Variants in PCDH11X observed in about 807,000 individuals in gnomAD.
PCDH11X encodes the protein protocadherin-11 X-linked.
A neutral mutation model predicts 53.3 loss-of-function variants in PCDH11X; 18 were observed. That is an observed-to-expected ratio of 0.34 (90% confidence interval 0.23 to 0.50). The LOEUF is 0.50. PCDH11X is among the 20% of genes least tolerant of loss of function. PCDH11X has a pLI of 0.98. For synonymous variants in PCDH11X, 279 were observed against 393.3 expected (o/e 0.71, Z 3.44); for missense variants, 570 against 1,032.4 (o/e 0.55, Z 6.14).
At chrX:92,346,064 A>C (rs1412758167) in intron 8 of PCDH11X, among the ~76,000 whole-genome samples, 1 of 110,831 alleles carries the variant, frequency 9.0e-6, no homozygotes, top group Non-Finnish European at 1.9e-5. Context: ...TTCTTTACTT[A>C]AGTGAAGCAG....
intron 10 of PCDH11X, among the ~76,000 whole-genome samples, chrX:92,527,497 A>AT (rs1194831843): frequency 2.7e-5 from 3 of 111,004 alleles, no homozygotes; most frequent in African/African-American, 9.8e-5. Context: ...TAGTGAACAC[A>AT]TTTTTTCTTG....
At chrX:91,993,590 C>T (rs949193821) in intron 6 of PCDH11X, among the ~76,000 whole-genome samples, 60 of 111,037 alleles carry the variant, frequency 5.4e-4, no homozygotes, top group African/African-American at 1.9e-3. Flanking sequence ...AGACTCTTGG[C>T]TTTTTTCTCC....
At chrX:92,379,676 G>A (rs905668759) in intron 8 of PCDH11X, among the ~76,000 whole-genome samples, 3 of 108,933 alleles carry the variant, frequency 2.8e-5, no homozygotes, top group Admixed American at 9.7e-5. Context: ...GTGAGAATGC[G>A]TGCTTTTTCT....
intron 8 of PCDH11X, among the ~76,000 whole-genome samples, chrX:92,386,186 CTACT>C (rs1196622746): frequency 9.1e-6 from 1 of 110,486 alleles, no homozygotes; most frequent in Non-Finnish European, 1.9e-5. Context: ...TTCAAGTGAG[CTACT>C]TAAATATTTT....
intron 9 of PCDH11X, among the ~76,000 whole-genome samples, chrX:92,424,662 A>G: frequency 1.0e-5 from 1 of 97,511 alleles, no homozygotes; most frequent in Non-Finnish European, 2.3e-5. Flanking sequence ...CGAGCTTTGC[A>G]AAGGGAGCTT....
chrX:92,257,288 C>G lies in PCDH11X; in HGVS notation c.3115-5826C>G, dbSNP rs969179957. On this transcript the variant is annotated intron_variant, in intron 7 of 10. Transcript: ENST00000682573. ...ATGATCCAGTCATCTCCCATCAGCCCCCACATCCAACATTGGGGATTACAT... is the reference window on the plus strand; with the variant it reads ...ATGATCCAGTCATCTCCCATCAGCCGCCACATCCAACATTGGGGATTACAT... Among the ~76,000 whole-genome samples the G allele has an allele frequency of 7.2e-5, 8 of 111,305 alleles. No individual in the cohort carries two copies. In the East Asian group the frequency reaches 1.4e-3, roughly 20 times the overall value.
intron 6 of PCDH11X, among the ~76,000 whole-genome samples, chrX:91,973,459 A>G (rs2147912990): frequency 9.2e-6 from 1 of 108,799 alleles, no homozygotes; most frequent in South Asian, 4.0e-4. Context: ...AATTAAAAAA[A>G]AAAAAAAGAA....
intron 10 of PCDH11X, among the ~76,000 whole-genome samples, chrX:92,497,965 G>T (rs948923199): frequency 9.8e-5 from 11 of 111,842 alleles, no homozygotes; most frequent in African/African-American, 3.6e-4. Context: ...TCTGCCTGAT[G>T]ACAAAATGCC....
intron 8 of PCDH11X, among the ~76,000 whole-genome samples, chrX:92,267,869 G>T (rs2067867330): frequency 8.9e-6 from 1 of 112,124 alleles, no homozygotes; most frequent in South Asian, 3.7e-4. Flanking sequence ...CACATGGTGT[G>T]AAGGCAAGAG....
At chrX:92,123,183 A>G (rs2064803201) in intron 6 of PCDH11X, among the ~76,000 whole-genome samples, 2 of 111,023 alleles carry the variant, frequency 1.8e-5, no homozygotes, top group Non-Finnish European at 3.8e-5. Flanking sequence ...ATGCCAACCA[A>G]TTTTCTCTAC....
At chrX:92,408,824 C>T (rs1049516063) in intron 9 of PCDH11X, among the ~76,000 whole-genome samples, 6 of 108,506 alleles carry the variant, frequency 5.5e-5, no homozygotes, top group African/African-American at 2.0e-4. Context: ...CCTTGTGATC[C>T]GCCCGCCTCG....
At chrX:91,850,462 A>G (rs1295912364) in intron 5 of PCDH11X, among the ~76,000 whole-genome samples, 1 of 111,784 alleles carries the variant, frequency 8.9e-6, no homozygotes, top group Admixed American at 9.5e-5. Flanking sequence ...CCCAGAAGGA[A>G]AGTATAAATA....
chrX:92,617,972 G>A (rs765615172), intron 10 of PCDH11X, among the ~76,000 whole-genome samples: 6 of 111,030 alleles, frequency 5.4e-5, no homozygotes, highest in African/African-American at 2.0e-4. Flanking sequence ...ATGTATAGAT[G>A]AATGATCATA....
intron 7 of PCDH11X, among the ~76,000 whole-genome samples, chrX:92,253,049 A>G (rs2067490748): frequency 9.0e-6 from 1 of 111,514 alleles, no homozygotes; most frequent in East Asian, 2.8e-4. Context: ...AAAGAAAAAA[A>G]AAAGTTGTAA....
intron 10 of PCDH11X, among the ~76,000 whole-genome samples, chrX:92,541,616 C>T (rs1375657192): frequency 9.1e-6 from 1 of 109,560 alleles, no homozygotes; most frequent in South Asian, 4.0e-4. Flanking sequence ...GGCTTTTATT[C>T]CACCGTTTTA....
chrX:92,287,209 T>C lies in PCDH11X; in HGVS notation c.3144+24066T>C, dbSNP rs774508613. Among the ~76,000 whole-genome samples, 117 of 111,421 alleles carry C rather than the reference T, an allele frequency of 1.1e-3. 1 individual carries two copies. Among genetic ancestry groups the C allele is most frequent in the African/African-American group, 3.7e-3 (112 of 30,643 alleles). On this transcript the variant is annotated intron_variant, in intron 8 of 10. Transcript: ENST00000682573. The stretch of plus-strand genomic sequence containing the variant: ...ATTTTACTTTAAGTTTCAGGATACA[T>C]GTGCAGAATGTGCAGGTTTGTTACA...
intron 9 of PCDH11X, among the ~76,000 whole-genome samples, chrX:92,398,967 C>G (rs11797106): frequency 0.41 from 44,594 of 108,516 alleles, 7,082 homozygotes; most frequent in Non-Finnish European, 0.5. Context: ...CTGAGGCGGG[C>G]GGATCACGAG....
chrX:91,857,653 T>G (rs918083425), intron 5 of PCDH11X, among the ~76,000 whole-genome samples: 6 of 112,069 alleles, frequency 5.4e-5, no homozygotes, highest in Non-Finnish European at 9.4e-5. Flanking sequence ...CATAAAAGTC[T>G]GAAATCCAAT....
At chrX:92,505,504 G>A (rs1177311021) in intron 10 of PCDH11X, among the ~76,000 whole-genome samples, 6 of 110,028 alleles carry the variant, frequency 5.5e-5, no homozygotes, top group Admixed American at 3.9e-4. Context: ...AGATCAGATG[G>A]CTGTAAGTGT....
Sources: allele counts gnomAD v4.1 joint callset (sites outside exome capture counted in the v4.1 genomes callset), GRCh38; gene constraint gnomAD v4.1.1; transcripts MANE v1.5; gene names NCBI Gene and HGNC (gene_info 2026-07-23, HGNC 2026-07-21).